AKAP17A: variants seen among roughly 807,000 people sequenced by gnomAD.
AKAP17A encodes the protein A-kinase anchor protein 17A.
AKAP17A carries 15 observed loss-of-function variants against 52.2 expected under a neutral mutation model. That is an observed-to-expected ratio of 0.29 (90% CI 0.19 to 0.44). The LOEUF is 0.44. Among genes scored for constraint, AKAP17A ranks in the 20% least tolerant of loss-of-function variants. The probability of loss-of-function intolerance (pLI) is 1.00; values close to 1 mark genes in which losing one functional copy is unlikely to be tolerated. For missense variants in AKAP17A, 1,060 were observed against 1,007.0 expected, an observed-to-expected ratio of 1.05 and a Z score of -0.71; for synonymous variants, 514 against 424.7, an observed-to-expected ratio of 1.21 and a Z score of -2.58.
In AKAP17A at chrX:1,601,760, G is replaced by C. The variant is rs1933399882; in HGVS notation, c.*166G>C. 5 of 563,014 alleles carry C rather than the reference G, an allele frequency of 8.9e-6. No homozygotes were observed. In the South Asian group the frequency reaches 1.9e-4, roughly 22 times the overall value. 34.9% of individuals were successfully genotyped at this position (563,014 alleles called of 1,614,324 possible). A position where few individuals can be genotyped will look rare whatever the true frequency, so the allele number is the denominator to read the frequency against. ...GCAGGAAGGAAGACACCATGCTTTA[G>C]AGATCCATCTTTCTCCACTCACCGC... On this transcript the variant is annotated 3_prime_UTR_variant, in exon 5 of 5. Transcript: ENST00000313871.
rs1300099786 is a variant in AKAP17A, at chrX:1,597,838, C to T, written c.912-1354C>T. Among the ~76,000 whole-genome samples the T allele has an allele frequency of 3.9e-5, 6 of 152,044 alleles. No individual in the cohort carries two copies. In the East Asian group the frequency reaches 7.8e-4, roughly 20 times the overall value. On this transcript the variant is annotated intron_variant, in intron 3 of 4. Transcript: ENST00000313871. ...AGGGATTGGGGGAAGCGGGGCCGGGCCATGAGGTTCTCGAGAGCAGGATGG... is the reference window on the plus strand; with the variant it reads ...AGGGATTGGGGGAAGCGGGGCCGGGTCATGAGGTTCTCGAGAGCAGGATGG...
At position 1,593,553 on chromosome X, in the gene AKAP17A, A is replaced by T; in HGVS notation, c.91A>T (p.Thr31Ser). The change falls in exon 2 of 5, where the codon ACC becomes TCC. Residue 31 changes from threonine (T) to serine (S), a missense_variant. Coordinates refer to ENST00000313871, the MANE Select transcript of AKAP17A (RefSeq NM_005088.3). Reference protein sequence around the residue: ...GLYLKPITKMTISVALPQLKQ... With the variant: ...GLYLKPITKMSISVALPQLKQ... ...GTACCTGAAGCCCATCACCAAGATGACCATCAGCGTGGCACTCCCGCAGCT... is the reference window on the plus strand; with the variant it reads ...GTACCTGAAGCCCATCACCAAGATGTCCATCAGCGTGGCACTCCCGCAGCT... 6.2e-7 allele frequency: 1 copy of T among 1,613,698 alleles called. No homozygotes were observed. The highest frequency in any genetic ancestry group is 8.5e-7 in the Non-Finnish European group (1 of 1,179,870).
At position 1,600,720 on chromosome X, in the gene AKAP17A, A is replaced by AGCG. The variant is rs777518693; in HGVS notation, c.1223_1225dup (p.Arg408dup). ...AAGCTGAGGCTCCAGCAGCAGGAGG[A>AGCG]GCGGCGGCGGCTGCAGGAGGCCGAG... On this transcript the variant is annotated inframe_insertion, in exon 5 of 5. Coordinates refer to ENST00000313871, the MANE Select transcript of AKAP17A (RefSeq NM_005088.3). 6.5e-7 allele frequency: 1 copy of AGCG among 1,546,884 alleles called. No individual in the cohort carries two copies. Among genetic ancestry groups the AGCG allele is most frequent in the Non-Finnish European group, 8.7e-7 (1 of 1,147,680 alleles).
chrX:1,601,601 G>C lies in AKAP17A; in HGVS notation c.*7G>C. On this transcript the variant is annotated 3_prime_UTR_variant, in exon 5 of 5. Transcript: ENST00000313871. ...CAGTACCTGGAACAGGTAATGACGG[G>C]CACGGCCTCCCCACGGCCTGTCCGG... is the stretch of plus-strand genomic sequence containing the variant. 7.0e-7 allele frequency: 1 copy of C among 1,418,634 alleles called. No individual in the cohort carries two copies. Among genetic ancestry groups the C allele is most frequent in the South Asian group, 1.5e-5 (1 of 64,532 alleles). 87.9% of individuals were successfully genotyped at this position (1,418,634 alleles called of 1,614,324 possible). A position where few individuals can be genotyped will look rare whatever the true frequency, so the allele number is the denominator to read the frequency against.
chrX:1,601,091 T>C lies in AKAP17A; in HGVS notation c.1585T>C (p.Cys529Arg). 6.2e-7 allele frequency: 1 copy of C among 1,613,664 alleles called. No homozygotes were observed. The highest frequency in any genetic ancestry group is 8.5e-7 in the Non-Finnish European group (1 of 1,179,682). The change falls in exon 5 of 5, where the codon TGT (cysteine) becomes CGT (arginine). Residue 529 changes from cysteine to arginine, a missense_variant. Transcript: ENST00000313871. Reference sequence around the variant, plus strand: ...CCCATGCAAGGAGGTTCAGAGCTCCTGTCGTGTGGTCCCCGAGGATGGCTC... The same window carrying C: ...CCCATGCAAGGAGGTTCAGAGCTCCCGTCGTGTGGTCCCCGAGGATGGCTC... The part of the protein sequence containing the change: ...EAPCKEVQSS[C>R]RVVPEDGSPE...
At position 1,601,591 on chromosome X, in the gene AKAP17A, G is replaced by A; in HGVS notation, c.2085G>A (p.Arg695=). 7.0e-7 allele frequency: 1 copy of A among 1,428,970 alleles called. No individual in the cohort carries two copies. Among genetic ancestry groups the A allele is most frequent in the Non-Finnish European group, 9.1e-7 (1 of 1,098,948 alleles). 88.5% of individuals were successfully genotyped at this position (1,428,970 alleles called of 1,614,324 possible). Residue 695 remains arginine (R), a synonymous_variant, in exon 5 of 5, where the codon AGG becomes AGA. Transcript: ENST00000313871. ...SPSRHRSTWN[R] ...GCAGGCACCGCAGTACCTGGAACAG[G>A]TAATGACGGGCACGGCCTCCCCACG...
At chrX:1,593,303 T>G in intron 1 of AKAP17A, 141 bp from the exon 2 acceptor site, 6 of 827,856 alleles carry the variant, frequency 7.2e-6, no homozygotes, top group Non-Finnish European at 1.2e-5. Context: ...GTTAACAAAG[T>G]GGAAACCGGT....
chrX:1,602,390 T>C lies in AKAP17A; in HGVS notation c.*796T>C, dbSNP rs1933437923. On this transcript the variant is annotated 3_prime_UTR_variant, in exon 5 of 5. Coordinates refer to ENST00000313871, the MANE Select transcript of AKAP17A (RefSeq NM_005088.3). ...GATTTCAGGCTGCAAACTTGTTTTA[T>C]AATCGTTTGCTTCTCCAAGTGAAGC... 1 of 152,240 alleles carries C rather than the reference T, an allele frequency of 6.6e-6. No individual in the cohort carries two copies. The highest frequency in any genetic ancestry group is 2.4e-5 in the African/African-American group (1 of 41,472). 9.4% of individuals were successfully genotyped at this position (152,240 alleles called of 1,614,324 possible).
In AKAP17A at chrX:1,598,523, T is replaced by C. The variant is rs540147316; in HGVS notation, c.912-669T>C. Among the ~76,000 whole-genome samples the C allele has an allele frequency of 5.9e-5, 9 of 152,148 alleles. No individual in the cohort carries two copies. In the South Asian group the frequency reaches 1.7e-3, roughly 28 times the overall value. The stretch of plus-strand genomic sequence containing the variant: ...CTGCGACTTGTTCCCATGTCCGGTG[T>C]TGGTTGAAATGCATTTGAGAGCTGC... On this transcript the variant is annotated intron_variant, in intron 3 of 4. Coordinates refer to ENST00000313871, the MANE Select transcript of AKAP17A (RefSeq NM_005088.3).
Position 1,600,890 on chromosome X carries a change from G to A in AKAP17A, c.1384G>A (p.Asp462Asn), listed in dbSNP as rs377133833. 58 of 1,578,340 alleles carry A rather than the reference G, an allele frequency of 3.7e-5. No individual in the cohort carries two copies. Among genetic ancestry groups the A allele is most frequent in the South Asian group, 2.5e-4 (22 of 87,774 alleles). ...CGACGAGCTGGGCGTGGCACACGCCGACCTGCTGCAGCCCGTCCTGGACAT... is the reference window on the plus strand; with the variant it reads ...CGACGAGCTGGGCGTGGCACACGCCAACCTGCTGCAGCCCGTCCTGGACAT... The part of the protein sequence containing the change: ...THDELGVAHA[D>N]LLQPVLDILQ... The change falls in exon 5 of 5, where the codon GAC becomes AAC. Residue 462 changes from aspartate (D) to asparagine (N), a missense_variant. Around this residue, in one of 2 missense-constraint regions of AKAP17A, gnomAD observed 793 missense variants for 629.9 expected, o/e 1.26. Coordinates refer to ENST00000313871, the MANE Select transcript of AKAP17A (RefSeq NM_005088.3).
At position 1,601,247 on chromosome X, in the gene AKAP17A, C is replaced by A. The variant is rs201493804; in HGVS notation, c.1741C>A (p.Arg581=). ...CCGGTCAGAACAGGACAAGTGCAAC[C>A]GGGAGCCCAGCAAGGGCCGGGGCCG... The part of the protein sequence containing the change: ...DTRSEQDKCN[R]EPSKGRGRAT... The change falls in exon 5 of 5, where the codon CGG becomes AGG. Residue 581 remains arginine, a synonymous_variant. Coordinates refer to ENST00000313871, the MANE Select transcript of AKAP17A (RefSeq NM_005088.3). 3 of 1,613,572 alleles carry A rather than the reference C, an allele frequency of 1.9e-6. No individual in the cohort carries two copies. The highest frequency in any genetic ancestry group is 1.3e-5 in the African/African-American group (1 of 74,908).
chrX:1,601,482 G>A lies in AKAP17A; in HGVS notation c.1976G>A (p.Arg659Gln), dbSNP rs377513652. The change falls in exon 5 of 5, where the codon CGG (arginine) becomes CAG (glutamine). Residue 659 changes from arginine (R) to glutamine (Q), a missense_variant. This residue lies in a region of AKAP17A where 793 missense variants were observed against 629.9 expected (regional missense o/e 1.26). Transcript: ENST00000313871. ...AGCAAAGACAGGCACCGGAGGGAGC[G>A]GAGCCGGGAGCGGAGGGGCAGCGCC... ...SHSKDRHRRE[R>Q]SRERRGSASR... 27 of 1,560,892 alleles carry A rather than the reference G, an allele frequency of 1.7e-5. No homozygotes were observed. The highest frequency in any genetic ancestry group is 4.1e-5 in the African/African-American group (3 of 73,814).
At position 1,600,829 on chromosome X, in the gene AKAP17A, C is replaced by G; in HGVS notation, c.1323C>G (p.Ile441Met). Residue 441 changes from isoleucine (I) to methionine (M), a missense_variant, in exon 5 of 5, where the codon ATC becomes ATG. Ile to Met is a conservative substitution (Grantham distance 10). Around this residue, in one of 2 missense-constraint regions of AKAP17A, gnomAD observed 793 missense variants for 629.9 expected, o/e 1.26. Coordinates refer to ENST00000313871, the MANE Select transcript of AKAP17A (RefSeq NM_005088.3). ...AGCTGCGCGAGCGGCTGCTGAGCAT[C>G]CTGCTGAGCAAGAAGCCGGACGACA... ...ERELRERLLS[I>M]LLSKKPDDSH... The G allele has an allele frequency of 6.3e-7, 1 of 1,593,042 alleles. No homozygotes were observed. The highest frequency in any genetic ancestry group is 8.5e-7 in the Non-Finnish European group (1 of 1,174,092).
chrX:1,595,341 G>C, intron 2 of AKAP17A, 43 bp from the exon 3 acceptor site: 3 of 1,611,644 alleles, frequency 1.9e-6, no homozygotes, highest in Non-Finnish European at 2.5e-6. Flanking sequence ...GTGTCTGGGG[G>C]GTTTTGGGGG....
At chrX:1,596,497 ATCCCTCCCACCCTCCTAGTGAGGCG>A (rs1569350741) in intron 3 of AKAP17A, among the ~76,000 whole-genome samples, 7 of 91,776 alleles carry the variant, frequency 7.6e-5, no homozygotes, top group African/African-American at 2.2e-4. Flanking sequence ...CTCCTCCTCC[ATCCCTCCCACCCTCCTAGTGAGGCG>A]GAATCCTCCT....
chrX:1,594,139 G>A lies in AKAP17A; in HGVS notation c.677G>A (p.Gly226Asp). ...TATGTGCAGTACCGCGAGTACATGG[G>A]CTTCATCCAGGCCATGAGCGCCCTG... ...EAYVQYREYM[G>D]FIQAMSALRG... is the part of the protein sequence containing the mutation. The change falls in exon 2 of 5, where the codon GGC (glycine) becomes GAC (aspartate). Residue 226 changes from glycine (G) to aspartate (D), a missense_variant. By Grantham distance (94) the Gly-to-Asp change is moderately conservative. Transcript: ENST00000313871. 2 of 1,611,438 alleles carry A rather than the reference G, an allele frequency of 1.2e-6. No homozygotes were observed. Among genetic ancestry groups the A allele is most frequent in the South Asian group, 1.1e-5 (1 of 90,866 alleles).
At chrX:1,600,104 C>T (rs1206941446) in intron 4 of AKAP17A, 4 of 1,273,476 alleles carry the variant, frequency 3.1e-6, no homozygotes, top group African/African-American at 1.5e-5. Context: ...GAGTCCAACG[C>T]GGGGCGACCC....
In AKAP17A at chrX:1,601,029, C is replaced by T. The variant is rs775641821; in HGVS notation, c.1523C>T (p.Ala508Val). 1.2e-6 allele frequency: 2 copies of T among 1,612,002 alleles called. No individual in the cohort carries two copies. Among genetic ancestry groups the T allele is most frequent in the South Asian group, 1.1e-5 (1 of 91,004 alleles). The stretch of plus-strand genomic sequence containing the variant: ...CCGGCCCACCCAGAGGCCGACGGCG[C>T]TCCCAAAAGCGTGAACGGGAGCGTG... ...ESPAHPEADG[A>V]PKSVNGSVAE... Residue 508 changes from alanine to valine, a missense_variant, in exon 5 of 5, where the codon GCT becomes GTT. By Grantham distance (64) the Ala-to-Val change is moderately conservative (BLOSUM62 0). This residue lies in a region of AKAP17A where 793 missense variants were observed against 629.9 expected (regional missense o/e 1.26). Coordinates refer to ENST00000313871, the MANE Select transcript of AKAP17A (RefSeq NM_005088.3).
At chrX:1,599,016 A>G (rs1421777598) in intron 3 of AKAP17A, among the ~76,000 whole-genome samples, 176 bp from the exon 4 acceptor site, 3 of 151,442 alleles carry the variant, frequency 2.0e-5, no homozygotes, top group Non-Finnish European at 4.4e-5. Flanking sequence ...CGCCCGGCTC[A>G]CTCCTTCCAC....
Sources: allele counts gnomAD v4.1 joint callset (sites outside exome capture counted in the v4.1 genomes callset), GRCh38; gene constraint gnomAD v4.1.1; regional missense constraint gnomAD v4.1.1; transcripts MANE v1.5; gene names NCBI Gene and HGNC (gene_info 2026-07-23, HGNC 2026-07-21).